The following FILIP1 variants were observed in gnomAD, a reference collection of about 807,000 sequenced individuals.
FILIP1 encodes the protein filamin-A-interacting protein 1.
In FILIP1, 61 loss-of-function variants were observed where a neutral mutation model predicts 102.1. The observed-to-expected ratio is 0.60, with a 90% confidence interval of 0.49 to 0.74. The LOEUF (loss-of-function observed/expected upper bound fraction) is 0.74, where lower values mean the gene tolerates loss of function less well. Among genes scored for constraint, FILIP1 ranks in the 30% least tolerant of loss-of-function variants. FILIP1 has a pLI of 0.00. For synonymous variants in FILIP1, 491 were observed against 526.9 expected (o/e 0.93, Z 0.93); for missense variants, 1,314 against 1,441.2 (o/e 0.91, Z 1.43).
intron 4 of FILIP1, among the ~76,000 whole-genome samples, chr6:75,332,514 A>G (rs1774116831): frequency 6.6e-6 from 1 of 152,154 alleles, no homozygotes; most frequent in Non-Finnish European, 1.5e-5. Flanking sequence ...CAACTCAAAG[A>G]GGCCTTCCGT....
intron 2 of FILIP1, among the ~76,000 whole-genome samples, chr6:75,372,716 A>AG (rs1775596075): frequency 1.6e-4 from 8 of 49,386 alleles, no homozygotes; most frequent in Non-Finnish European, 1.9e-4. Flanking sequence ...AAAGAAAGGA[A>AG]AGAAAGAGAA....
At chr6:75,415,707 G>T (rs1365310936) in intron 1 of FILIP1, among the ~76,000 whole-genome samples, 3 of 151,938 alleles carry the variant, frequency 2.0e-5, no homozygotes, top group African/African-American at 7.2e-5. Flanking sequence ...AGTAATAAGA[G>T]CACAAAGAAT....
chr6:75,457,618 CT>C (rs1316046128), intron 1 of FILIP1, among the ~76,000 whole-genome samples: 2 of 142,654 alleles, frequency 1.4e-5, no homozygotes, highest in African/African-American at 5.4e-5. Flanking sequence ...CAAAGTCTCT[CT>C]CTCTCTCTCT....
rs1381360082 is a variant in FILIP1 at position 75,384,686 on chromosome 6, G to A, written c.277-21769C>T. 3 of 151,944 alleles carry A rather than the reference G, an allele frequency of 2.0e-5. No homozygotes were observed. In the East Asian group the frequency reaches 5.8e-4, roughly 29 times the overall value. 9.4% of individuals were successfully genotyped at this position (151,944 alleles called of 1,614,324 possible). Reference sequence around the variant, plus strand: ...TGAAATAGCATTGGGAAGTCTTCAGGATTAATCTTTAATTCCTGTTTTTTG... The same window carrying A: ...TGAAATAGCATTGGGAAGTCTTCAGAATTAATCTTTAATTCCTGTTTTTTG... On this transcript the variant is annotated intron_variant, in intron 2 of 5. Coordinates refer to ENST00000237172, the MANE Select transcript of FILIP1 (RefSeq NM_015687.5).
intron 1 of FILIP1, among the ~76,000 whole-genome samples, chr6:75,418,360 CT>C (rs1777341255): frequency 6.6e-6 from 1 of 152,130 alleles, no homozygotes; most frequent in Admixed American, 6.6e-5. Context: ...AATAATTAAC[CT>C]TCTGCAGAAC....
chr6:75,348,256 C>A (rs1446923047), intron 4 of FILIP1, among the ~76,000 whole-genome samples: 1 of 152,220 alleles, frequency 6.6e-6, no homozygotes, highest in Non-Finnish European at 1.5e-5. Flanking sequence ...AAGGTGATCT[C>A]ATGTGCTCAG....
chr6:75,458,193 G>A (rs1778907106), intron 1 of FILIP1: 1 of 152,180 alleles, frequency 6.6e-6, no homozygotes. Flanking sequence ...AATAGCTAGA[G>A]ACATTTGGGG....
At chr6:75,476,104 G>C (rs949075457) in intron 1 of FILIP1, among the ~76,000 whole-genome samples, 2 of 152,072 alleles carry the variant, frequency 1.3e-5, no homozygotes, top group Admixed American at 6.6e-5. Context: ...AGCTGGGTGT[G>C]GTGGCAGATG....
chr6:75,326,675 A>G (rs919435456), intron 4 of FILIP1, among the ~76,000 whole-genome samples: 1 of 152,208 alleles, frequency 6.6e-6, no homozygotes, highest in Admixed American at 6.5e-5. Flanking sequence ...CATTTTATAA[A>G]TAAGGTAAAT....
At chr6:75,416,936 G>A (rs1157453475) in intron 1 of FILIP1, among the ~76,000 whole-genome samples, 3 of 151,882 alleles carry the variant, frequency 2.0e-5, no homozygotes, top group Non-Finnish European at 4.4e-5. Flanking sequence ...AATTATATCT[G>A]CAAACATACA....
chr6:75,432,996 A>G lies in FILIP1; in HGVS notation c.-6-18018T>C, dbSNP rs142043853. Reference sequence around the variant, plus strand: ...TCCAGCTTCATCCATGTCCCTACAAAGGACATGAGCTCATCCTTTTTTATG... The same window carrying G: ...TCCAGCTTCATCCATGTCCCTACAAGGGACATGAGCTCATCCTTTTTTATG... On this transcript the variant is annotated intron_variant, in intron 1 of 5. Transcript: ENST00000237172. 8.1e-3 allele frequency among the ~76,000 whole-genome samples: 1,230 copies of G among 152,298 alleles called. 19 individuals are homozygous for G. The highest frequency in any genetic ancestry group is 0.028 in the African/African-American group (1,154 of 41,554).
intron 4 of FILIP1, among the ~76,000 whole-genome samples, chr6:75,345,625 G>A (rs1377698570): frequency 5.3e-5 from 8 of 152,050 alleles, no homozygotes; most frequent in Admixed American, 4.6e-4. Flanking sequence ...CTATGTAAAC[G>A]TCACACCTGG....
At chr6:75,355,421 TCTCA>T (rs1442538174) in intron 3 of FILIP1, among the ~76,000 whole-genome samples, 3 of 146,372 alleles carry the variant, frequency 2.0e-5, no homozygotes, top group South Asian at 2.2e-4. Context: ...TGAGACCAAG[TCTCA>T]CTCTGTTGCC....
intron 4 of FILIP1, chr6:75,319,004 G>GA (rs921698244): frequency 2.0e-4 from 130 of 646,026 alleles, no homozygotes; most frequent in Non-Finnish European, 2.9e-4. Context: ...TTATAGACAT[G>GA]AAAAAAAACT....
At chr6:75,441,188 A>G (rs1425930277) in intron 1 of FILIP1, among the ~76,000 whole-genome samples, 1 of 151,490 alleles carries the variant, frequency 6.6e-6, no homozygotes, top group Non-Finnish European at 1.5e-5. Context: ...ATGACTCTTA[A>G]CGAGCATGCT....
At chr6:75,438,850 A>G (rs1255926333) in intron 1 of FILIP1, among the ~76,000 whole-genome samples, 1 of 152,134 alleles carries the variant, frequency 6.6e-6, no homozygotes, top group African/African-American at 2.4e-5. Context: ...TATTAAGATG[A>G]GGAATTGACA....
intron 1 of FILIP1, among the ~76,000 whole-genome samples, chr6:75,467,093 A>G (rs186927664): frequency 1.6e-4 from 24 of 152,342 alleles, no homozygotes; most frequent in Non-Finnish European, 3.2e-4. Context: ...ACTAAGATAA[A>G]GCTTTTATAT....
intron 1 of FILIP1, among the ~76,000 whole-genome samples, chr6:75,471,516 C>A (rs142460385): frequency 2.6e-5 from 4 of 152,092 alleles, no homozygotes; most frequent in Non-Finnish European, 5.9e-5. Context: ...ATAAGTATTG[C>A]GCATTCACGG....
chr6:75,372,187 G>C (rs1775541750), intron 2 of FILIP1, among the ~76,000 whole-genome samples: 1 of 152,014 alleles, frequency 6.6e-6, no homozygotes, highest in African/African-American at 2.4e-5. Context: ...GACCAACATG[G>C]AGAAACCCCG....
Sources: gnomAD v4.1 joint callset for allele counts (sites outside exome capture counted in the v4.1 genomes callset) on GRCh38, gnomAD v4.1.1 for gene constraint, MANE v1.5 for transcripts, NCBI Gene and HGNC (gene_info 2026-07-23, HGNC 2026-07-21) for gene names.